The following A2ML1 variants were observed in gnomAD, a reference collection of about 807,000 sequenced individuals.
A2ML1 encodes the protein alpha-2-macroglobulin like 1.
A2ML1 carries 161 observed loss-of-function variants against 181.9 expected under a neutral mutation model. That is an observed-to-expected ratio of 0.89 (90% CI 0.78 to 1.01). The LOEUF (loss-of-function observed/expected upper bound fraction) is 1.01. Ranked by LOEUF, A2ML1 falls within the 50% of genes least tolerant of loss-of-function variation. A2ML1 has a pLI of 0.00. For missense variants in A2ML1, 1,670 were observed against 1,768.1 expected (o/e 0.94, Z 1.00); for synonymous variants, 663 against 666.8 (o/e 0.99, Z 0.09).
At chr12:8,829,909 C>A in intron 4 of A2ML1, 130 bp downstream of exon 4, 1 of 1,080,080 alleles carries the variant, frequency 9.3e-7, no homozygotes, top group Non-Finnish European at 1.4e-6. Flanking sequence ...CTGCTGTGTG[C>A]GTGGGACTGG....
In A2ML1 at chr12:8,836,306, T is replaced by C; in HGVS notation, c.695T>C (p.Val232Ala). 6.2e-7 allele frequency: 1 copy of C among 1,614,036 alleles called. No homozygotes were observed. Among genetic ancestry groups the C allele is most frequent in the Non-Finnish European group, 8.5e-7 (1 of 1,180,016 alleles). ...EVVEPKELST[V>A]QESFLVKICC... is the part of the protein sequence containing the mutation. ...GTGGAACCCAAGGAGTTATCAACGG[T>C]GCAGGAATCTTTCTTAGTAAAAATT... is the stretch of plus-strand genomic sequence containing the variant. Residue 232 changes from valine to alanine, a missense_variant, in exon 7 of 36, where the codon GTG becomes GCG. By Grantham distance (64) the Val-to-Ala change is moderately conservative. Coordinates refer to ENST00000299698, the MANE Select transcript of A2ML1 (RefSeq NM_144670.6).
intron 25 of A2ML1, 157 bp downstream of exon 25, chr12:8,857,745 G>C: frequency 9.1e-7 from 1 of 1,104,698 alleles, no homozygotes; most frequent in East Asian, 2.6e-5. Context: ...GGATGGTCAA[G>C]TCCCTCGATC....
intron 8 of A2ML1, among the ~76,000 whole-genome samples, chr12:8,838,047 GTGT>G (rs1265003724): frequency 6.6e-6 from 1 of 152,202 alleles, no homozygotes; most frequent in Non-Finnish European, 1.5e-5. Context: ...TAAACAGGGA[GTGT>G]TTTAGAGTCT....
Position 8,849,728 on chromosome 12 carries a change from C to T in A2ML1, c.2088C>T (p.His696=), listed in dbSNP as rs1252403968. 1.2e-6 allele frequency: 2 copies of T among 1,614,196 alleles called. No individual in the cohort carries two copies. Among genetic ancestry groups the T allele is most frequent in the African/African-American group, 1.3e-5 (1 of 75,058 alleles). The change falls in exon 17 of 36, where the codon CAC becomes CAT. Residue 696 remains histidine (H), a synonymous_variant. Transcript: ENST00000299698. ...TCAAGAAGCCAGTAGATTGCAGTCA[C>T]AGATCTCCAGAATACAGCACTGCTA... The part of the protein sequence containing the change: ...AKIKKPVDCS[H]RSPEYSTAMG...
chr12:8,853,742 A>C (rs1943968076), intron 20 of A2ML1, among the ~76,000 whole-genome samples: 1 of 152,198 alleles, frequency 6.6e-6, no homozygotes. Flanking sequence ...CCCCAGAGCA[A>C]GCAGTTTGAG....
At position 8,851,896 on chromosome 12, in the gene A2ML1, G is replaced by A; in HGVS notation, c.2347G>A (p.Gly783Arg). ...SRGFGLSPTV[G>R]LTAFKPFFVD... is the part of the protein sequence containing the mutation. ...AGGCTTCGGGCTTTCACCCACTGTT[G>A]GACTAACTGCTTTCAAGCCGTTCTT... is the stretch of plus-strand genomic sequence containing the variant. Residue 783 changes from glycine to arginine, a missense_variant, in exon 19 of 36, where the codon GGA becomes AGA. Gly to Arg is a moderately radical substitution (Grantham distance 125, BLOSUM62 -2). Transcript: ENST00000299698. The A allele has an allele frequency of 6.2e-7, 1 of 1,614,164 alleles. No homozygotes were observed. Among genetic ancestry groups the A allele is most frequent in the Non-Finnish European group, 8.5e-7 (1 of 1,180,046 alleles).
rs763611927 is a variant in A2ML1, at chr12:8,836,757, A to G, written c.728+418A>G. Among the ~76,000 whole-genome samples the G allele has an allele frequency of 2.0e-5, 3 of 152,186 alleles. No individual in the cohort carries two copies. In the East Asian group the frequency reaches 5.8e-4, roughly 29 times the overall value. ...CCTTGGCCTCCCAAAGTGTTGGATTACAGACGTGAGCCACCGCGCCCAGCC... is the reference window on the plus strand; with the variant it reads ...CCTTGGCCTCCCAAAGTGTTGGATTGCAGACGTGAGCCACCGCGCCCAGCC... On this transcript the variant is annotated intron_variant, in intron 7 of 35. Transcript: ENST00000299698.
downstream of A2ML1, among the ~76,000 whole-genome samples, chr12:8,881,085 G>A (rs1370074963): frequency 6.6e-6 from 1 of 152,202 alleles, no homozygotes; most frequent in Non-Finnish European, 1.5e-5. Flanking sequence ...GAGAGTAAGG[G>A]AAGAGGCTGG....
At chr12:8,883,440 C>T (rs762076767) in intron 7 of A2ML1, among the ~76,000 whole-genome samples, 7 of 152,306 alleles carry the variant, frequency 4.6e-5, no homozygotes, top group East Asian at 1.9e-4. Flanking sequence ...AAAAAGTAAC[C>T]GGAAGTCCCT....
At chr12:8,862,442 T>G (rs959304362) in intron 28 of A2ML1, among the ~76,000 whole-genome samples, 12 of 152,174 alleles carry the variant, frequency 7.9e-5, no homozygotes, top group African/African-American at 2.9e-4. Flanking sequence ...CCTCAAGTGA[T>G]CCGCCCCTCT....
intron 29 of A2ML1, among the ~76,000 whole-genome samples, chr12:8,866,162 G>A (rs1018593885): frequency 2.0e-5 from 3 of 151,954 alleles, no homozygotes; most frequent in African/African-American, 4.8e-5. Context: ...AAAATTAGCC[G>A]GGCACAGTGG....
At chr12:8,846,810 C>CAA (rs199881026) in intron 14 of A2ML1, among the ~76,000 whole-genome samples, 5,042 of 130,194 alleles carry the variant, frequency 0.039, 132 homozygotes, top group Non-Finnish European at 0.057. Context: ...GACTCTGTCT[C>CAA]AAAAAAAAAA....
chr12:8,840,454 T>G (rs757793850), intron 10 of A2ML1, among the ~76,000 whole-genome samples: 1 of 152,228 alleles, frequency 6.6e-6, no homozygotes, highest in African/African-American at 2.4e-5. Flanking sequence ...CAGCTTATCT[T>G]TCTTTACTTC....
At chr12:8,826,491 G>A (rs1341065619) in intron 3 of A2ML1, among the ~76,000 whole-genome samples, 3 of 152,124 alleles carry the variant, frequency 2.0e-5, no homozygotes, top group Admixed American at 2.0e-4. Context: ...TGTTGCCCAG[G>A]CTGTGGAGTG....
rs775104677 is a variant in A2ML1, at chr12:8,868,546, G to T, written c.4071G>T (p.Gly1357=). 1 of 1,613,920 alleles carries T rather than the reference G, an allele frequency of 6.2e-7. No homozygotes were observed. Among genetic ancestry groups the T allele is most frequent in the East Asian group, 2.2e-5 (1 of 44,864 alleles). The change falls in exon 32 of 36, where the codon GGG becomes GGT. Residue 1357 remains glycine, a synonymous_variant. Coordinates refer to ENST00000299698, the MANE Select transcript of A2ML1 (RefSeq NM_144670.6). ...LTLTIHTSYV[G]SRSSSNMAIV... ...TTCTTCCTGCTCTCAGTTATGTGGGGAGCCGTAGCTCTTCCAATATGGCTA... is the reference window on the plus strand; with the variant it reads ...TTCTTCCTGCTCTCAGTTATGTGGGTAGCCGTAGCTCTTCCAATATGGCTA...
In A2ML1 at chr12:8,847,540, C is replaced by T. The variant is rs767650898; in HGVS notation, c.1684-9C>T. The T allele has an allele frequency of 4.1e-5, 66 of 1,604,088 alleles. 1 individual carries two copies. In the South Asian group the frequency reaches 6.6e-4, roughly 16 times the overall value. ...CCTGATCCCCAAGTTATACCTTTCC[C>T]TTCCCCAGGTTTCCCTTGGCTTCTC... On this transcript the variant is annotated splice_polypyrimidine_tract_variant and intron_variant, in intron 14 of 35. Coordinates refer to ENST00000299698, the MANE Select transcript of A2ML1 (RefSeq NM_144670.6).
At chr12:8,856,898 CTTTTT>C (rs71891886) in intron 23 of A2ML1, among the ~76,000 whole-genome samples, 21 of 124,966 alleles carry the variant, frequency 1.7e-4, no homozygotes, top group South Asian at 8.0e-4. Context: ...ACAGTAGGTA[CTTTTT>C]TTTTTTTTTT....
rs199919065 is a variant in A2ML1 at position 8,829,735 on chromosome 12, C to T, written c.418C>T (p.Arg140Cys). 66 of 1,613,774 alleles carry T rather than the reference C, an allele frequency of 4.1e-5. No individual in the cohort carries two copies. Among genetic ancestry groups the T allele is most frequent in the Admixed American group, 1.8e-4 (11 of 59,986 alleles). ...TGCCTGTTCCTTTCCAGTGTATTTC[C>T]GCATTGTCACCATGGATAGCAACTT... ...LYTPGQQVYF[R>C]IVTMDSNFVP... The change falls in exon 4 of 36, where the codon CGC becomes TGC. Residue 140 changes from arginine to cysteine, a missense_variant. By Grantham distance (180) the Arg-to-Cys change is radical. Coordinates refer to ENST00000299698, the MANE Select transcript of A2ML1 (RefSeq NM_144670.6).
chr12:8,850,884 A>T (rs1943865245), intron 18 of A2ML1, among the ~76,000 whole-genome samples: 1 of 152,050 alleles, frequency 6.6e-6, no homozygotes, highest in Admixed American at 6.6e-5. Flanking sequence ...GACTATAGGC[A>T]CATGCCACCA....
Sources: allele counts gnomAD v4.1 joint callset (sites outside exome capture counted in the v4.1 genomes callset), GRCh38; gene constraint gnomAD v4.1.1; transcripts MANE v1.5; gene names NCBI Gene and HGNC (gene_info 2026-07-23, HGNC 2026-07-21).